The following NCAM2 variants were observed in gnomAD, a reference collection of about 807,000 sequenced individuals.
NCAM2 encodes N-CAM-2.
Under a neutral mutation model 98.1 loss-of-function variants are expected in NCAM2, and 30 were observed. The ratio of observed to expected loss-of-function variants is 0.31; its 90% confidence interval spans 0.23 to 0.41. The LOEUF (loss-of-function observed/expected upper bound fraction) is 0.41, where lower values mean the gene tolerates loss of function less well. Among genes scored for constraint, NCAM2 ranks in the 10% least tolerant of loss-of-function variants. NCAM2 has a pLI of 1.00. For synonymous variants in NCAM2, 368 were observed against 342.4 expected (o/e 1.07, Z -0.83); for missense variants, 867 against 1,005.8 (o/e 0.86, Z 1.87).
At chr21:21,255,273 C>T (rs546336062) in intron 1 of NCAM2, among the ~76,000 whole-genome samples, 1 of 152,260 alleles carries the variant, frequency 6.6e-6, no homozygotes, top group East Asian at 1.9e-4. Flanking sequence ...ACAGACATCC[C>T]TGTGAGCTGT....
At chr21:21,375,349 A>G (rs2076009403) in intron 9 of NCAM2, among the ~76,000 whole-genome samples, 1 of 151,708 alleles carries the variant, frequency 6.6e-6, no homozygotes, top group African/African-American at 2.4e-5. Flanking sequence ...AAAAAAAAGA[A>G]AAAAGGATTA....
chr21:21,495,870 T>C (rs986990068), intron 15 of NCAM2, among the ~76,000 whole-genome samples: 2 of 151,780 alleles, frequency 1.3e-5, no homozygotes, highest in Non-Finnish European at 2.9e-5. Context: ...TGCTTCTCCC[T>C]CCTATTTGCT....
intron 16 of NCAM2, among the ~76,000 whole-genome samples, chr21:21,526,284 G>A (rs1395219205): frequency 6.6e-6 from 1 of 151,984 alleles, no homozygotes; most frequent in East Asian, 1.9e-4. Flanking sequence ...CAGGATAAAA[G>A]ATTAATATGC....
At chr21:21,436,371 C>A (rs11911948) in intron 12 of NCAM2, among the ~76,000 whole-genome samples, 3,990 of 152,286 alleles carry the variant, frequency 0.026, 178 homozygotes, top group African/African-American at 0.092. Flanking sequence ...GAACCACTTA[C>A]AACATACTTT....
At chr21:21,082,090 T>C (rs560198134) in intron 1 of NCAM2, among the ~76,000 whole-genome samples, 55 of 151,334 alleles carry the variant, frequency 3.6e-4, no homozygotes, top group Non-Finnish European at 7.5e-4. Context: ...TAGCCGGGCG[T>C]GGTGGCAGGC....
intron 11 of NCAM2, among the ~76,000 whole-genome samples, chr21:21,427,215 G>T (rs1373908941): frequency 6.7e-6 from 1 of 149,386 alleles, no homozygotes; most frequent in Non-Finnish European, 1.5e-5. Flanking sequence ...GAAGAGAGTG[G>T]GATTGAAAAC....
intron 8 of NCAM2, among the ~76,000 whole-genome samples, chr21:21,350,940 A>C (rs1346903656): frequency 1.0e-5 from 1 of 95,308 alleles, no homozygotes. Context: ...ACAAAAAAAA[A>C]AAAAAAAAGG....
chr21:21,009,883 C>CTGTGTGTG (rs5842868), intron 1 of NCAM2, among the ~76,000 whole-genome samples: 1,613 of 139,708 alleles, frequency 0.012, 27 homozygotes, highest in African/African-American at 0.028. Context: ...CCTCTGATAG[C>CTGTGTGTG]TGTGTGTGTG....
At chr21:20,999,490 A>G (rs1353043963) in intron 1 of NCAM2, among the ~76,000 whole-genome samples, 1 of 152,256 alleles carries the variant, frequency 6.6e-6, no homozygotes, top group Admixed American at 6.5e-5. Flanking sequence ...TATATTTACA[A>G]TAAATGGAAG....
At chr21:21,330,507 T>A (rs1207444170) in intron 6 of NCAM2, among the ~76,000 whole-genome samples, 1 of 152,046 alleles carries the variant, frequency 6.6e-6, no homozygotes, top group Non-Finnish European at 1.5e-5. Context: ...TTTTAATGGT[T>A]TCAATTTATT....
At chr21:21,001,499 C>G (rs1407703112) in intron 1 of NCAM2, among the ~76,000 whole-genome samples, 1 of 152,178 alleles carries the variant, frequency 6.6e-6, no homozygotes, top group Non-Finnish European at 1.5e-5. Context: ...TCATAAATCT[C>G]AAGTGATAAC....
intron 5 of NCAM2, among the ~76,000 whole-genome samples, chr21:21,311,642 A>G (rs897674163): frequency 4.6e-5 from 7 of 152,110 alleles, no homozygotes; most frequent in Non-Finnish European, 8.8e-5. Context: ...CGCCCGGCCC[A>G]TGGTATGACT....
intron 15 of NCAM2, among the ~76,000 whole-genome samples, chr21:21,502,409 C>A (rs557444860): frequency 6.6e-5 from 10 of 151,974 alleles, no homozygotes; most frequent in Admixed American, 2.6e-4. Context: ...TAAGATTCCA[C>A]AAAAGTATTG....
At chr21:21,430,347 GA>G (rs1373038740) in intron 11 of NCAM2, among the ~76,000 whole-genome samples, 1 of 137,620 alleles carries the variant, frequency 7.3e-6, no homozygotes, top group African/African-American at 2.6e-5. Flanking sequence ...GTAAATGACT[GA>G]TATAAGAATT....
At chr21:21,431,320 A>AT (rs11405435) in intron 11 of NCAM2, among the ~76,000 whole-genome samples, 50,102 of 146,884 alleles carry the variant, frequency 0.34, 9,211 homozygotes, top group African/African-American at 0.5. Flanking sequence ...CCTCACTGGG[A>AT]TTTTTTTTTT....
chr21:21,191,154 C>T (rs1279891675), intron 1 of NCAM2, among the ~76,000 whole-genome samples: 1 of 152,138 alleles, frequency 6.6e-6, no homozygotes, highest in Non-Finnish European at 1.5e-5. Flanking sequence ...GAGTCAACCA[C>T]TTTGAAAGTT....
Position 21,442,973 on chromosome 21 carries a change from C to T in NCAM2, c.1654+10692C>T, listed in dbSNP as rs574847454. Among the ~76,000 whole-genome samples the T allele has an allele frequency of 4.6e-5, 7 of 152,278 alleles. No homozygotes were observed. In the South Asian group the frequency reaches 1.5e-3, roughly 32 times the overall value. On this transcript the variant is annotated intron_variant, in intron 12 of 17. Coordinates refer to ENST00000400546, the MANE Select transcript of NCAM2 (RefSeq NM_004540.5). Reference sequence around the variant, plus strand: ...TCCTACAAACACTGGATTACTTTAACTATACAAAAATTTTCCTGCTTTCTC... The same window carrying T: ...TCCTACAAACACTGGATTACTTTAATTATACAAAAATTTTCCTGCTTTCTC...
At chr21:21,418,721 G>T in intron 11 of NCAM2, 152 bp downstream of exon 11, 1 of 671,804 alleles carries the variant, frequency 1.5e-6, no homozygotes. Flanking sequence ...CAGAGGCTTG[G>T]TAGTATATTG....
chr21:21,449,263 G>GA (rs1358634968), intron 12 of NCAM2, among the ~76,000 whole-genome samples: 1 of 151,626 alleles, frequency 6.6e-6, no homozygotes, highest in Non-Finnish European at 1.5e-5. Context: ...ATTTATGTAA[G>GA]AAAAATGTTT....
Sources: allele counts gnomAD v4.1 joint callset (sites outside exome capture counted in the v4.1 genomes callset), GRCh38; gene constraint gnomAD v4.1.1; transcripts MANE v1.5; gene names NCBI Gene and HGNC (gene_info 2026-07-23, HGNC 2026-07-21).